The following KIAA0232 variants were observed in gnomAD, a reference collection of about 807,000 sequenced individuals.
The protein encoded by KIAA0232 is uncharacterized protein KIAA0232.
A neutral mutation model predicts 122.0 loss-of-function variants in KIAA0232; 27 were observed. The ratio of observed to expected loss-of-function variants is 0.22; its 90% CI spans 0.16 to 0.31. The LOEUF is 0.31. KIAA0232 is among the 10% of genes least tolerant of loss of function. KIAA0232 has a pLI of 1.00. For synonymous variants in KIAA0232, 613 were observed against 587.6 expected (o/e 1.04, Z -0.63); for missense variants, 1,551 against 1,634.2 (o/e 0.95, Z 0.88).
chr4:6,798,777 C>G (rs1717247310), intron 1 of KIAA0232, among the ~76,000 whole-genome samples: 1 of 152,152 alleles, frequency 6.6e-6, no homozygotes, highest in African/African-American at 2.4e-5. Flanking sequence ...GTCTCAAACC[C>G]CTGGGCTCAA....
intron 1 of KIAA0232, among the ~76,000 whole-genome samples, chr4:6,785,599 A>G (rs1289436836): frequency 6.6e-6 from 1 of 152,234 alleles, no homozygotes. Context: ...CTTTGCTTAA[A>G]GTTTTTAACT....
At chr4:6,789,800 G>A (rs1408297543) in intron 1 of KIAA0232, among the ~76,000 whole-genome samples, 2 of 152,174 alleles carry the variant, frequency 1.3e-5, no homozygotes, top group African/African-American at 4.8e-5. Flanking sequence ...AGCGAGGTGG[G>A]AGGATCACTT....
chr4:6,838,326 C>G (rs930283500), intron 3 of KIAA0232, among the ~76,000 whole-genome samples: 1 of 152,036 alleles, frequency 6.6e-6, no homozygotes, highest in African/African-American at 2.4e-5. Context: ...GTAGCTGGGA[C>G]TGCAGGTGGA....
At chr4:6,822,988 C>G (rs1346827234) in intron 2 of KIAA0232, among the ~76,000 whole-genome samples, 2 of 144,362 alleles carry the variant, frequency 1.4e-5, no homozygotes, top group Non-Finnish European at 3.0e-5. Flanking sequence ...TCCATGTGTT[C>G]TCATTGTTCA....
rs115461601 is a variant in KIAA0232 at position 6,804,101 on chromosome 4, A to C, written c.-353-422A>C. ...TTATTTGGGGAGAGTTCCATAAGAT[A>C]AACATCACAGCTAGTAGGAATTCTC... On this transcript the variant is annotated intron_variant, in intron 1 of 9. Coordinates refer to ENST00000307659, the MANE Select transcript of KIAA0232 (RefSeq NM_014743.3). Among the ~76,000 whole-genome samples the C allele has an allele frequency of 3.2e-3, 492 of 152,364 alleles. 7 individuals are homozygous for C. The highest frequency in any genetic ancestry group is 0.011 in the African/African-American group (465 of 41,592).
chr4:6,841,826 T>G (rs780960317), intron 3 of KIAA0232, among the ~76,000 whole-genome samples: 1 of 152,156 alleles, frequency 6.6e-6, no homozygotes, highest in Non-Finnish European at 1.5e-5. Context: ...ATAGAAAACA[T>G]CCCATGTTTG....
chr4:6,812,551 A>G (rs1347002601), intron 2 of KIAA0232, among the ~76,000 whole-genome samples: 2 of 152,190 alleles, frequency 1.3e-5, no homozygotes, highest in Non-Finnish European at 2.9e-5. Flanking sequence ...ACACCAAAAT[A>G]CTAACAGTGA....
Position 6,863,881 on chromosome 4 carries a change from A to G in KIAA0232, c.3499A>G (p.Lys1167Glu). 1 of 1,614,196 alleles carries G rather than the reference A, an allele frequency of 6.2e-7. No individual in the cohort carries two copies. The highest frequency in any genetic ancestry group is 8.5e-7 in the Non-Finnish European group (1 of 1,180,032). ...AGAGAAAGAAGGCCATTACTATGGA[A>G]AATCAGAGCTTGAGTCTGGAAAATT... is the stretch of plus-strand genomic sequence containing the variant. ...DAEKEGHYYG[K>E]SELESGKFLP... Residue 1167 changes from lysine to glutamate, a missense_variant, in exon 7 of 10, where the codon AAA becomes GAA. By Grantham distance (56) the Lys-to-Glu change is moderately conservative. Around this residue, in one of 5 missense-constraint regions of KIAA0232, gnomAD observed 1,108 missense variants for 1,154.8 expected, o/e 0.96. Coordinates refer to ENST00000307659, the MANE Select transcript of KIAA0232 (RefSeq NM_014743.3).
intron 1 of KIAA0232, among the ~76,000 whole-genome samples, 152 bp downstream of exon 1, chr4:6,782,993 A>G (rs1347247977): frequency 6.8e-6 from 1 of 146,814 alleles, no homozygotes; most frequent in African/African-American, 2.5e-5. Context: ...GGTCAGCCCA[A>G]GGGAGACAGG....
At chr4:6,793,028 G>A (rs1010714517) in intron 1 of KIAA0232, among the ~76,000 whole-genome samples, 3 of 151,974 alleles carry the variant, frequency 2.0e-5, no homozygotes, top group Non-Finnish European at 4.4e-5. Flanking sequence ...TTATTGTTCT[G>A]CACTGGGTCC....
Position 6,855,957 on chromosome 4 carries a change from C to A in KIAA0232, c.370-1207C>A. On this transcript the variant is annotated intron_variant, in intron 4 of 9. Transcript: ENST00000307659. The surrounding 1 kb of genome is among the most constrained non-coding windows in gnomAD (Gnocchi z 4.3). ...GTTGAACAGTGTTTATGACTAATAT[C>A]TGCCATCGTTTTTAAGAGTGTTTTT... The A allele has an allele frequency of 1.6e-6, 1 of 615,996 alleles. No individual in the cohort carries two copies. Among genetic ancestry groups the A allele is most frequent in the Non-Finnish European group, 2.0e-6 (1 of 492,528 alleles). 38.2% of individuals were successfully genotyped at this position (615,996 alleles called of 1,614,324 possible). A position where few individuals can be genotyped will look rare whatever the true frequency, so the allele number is the denominator to read the frequency against.
intron 4 of KIAA0232, among the ~76,000 whole-genome samples, chr4:6,844,235 C>T (rs535062487): frequency 2.0e-5 from 3 of 151,758 alleles, no homozygotes; most frequent in East Asian, 3.9e-4. Flanking sequence ...CCACCGCACC[C>T]GACCAAGTTA....
Position 6,863,961 on chromosome 4 carries a change from T to C in KIAA0232, c.3579T>C (p.Asp1193=). Reference sequence around the variant, plus strand: ...AAAAGAGTGCTCAGACATCACTGGATTCCCAGGAGGAATCAACTGGGATTC... The same window carrying C: ...AAAAGAGTGCTCAGACATCACTGGACTCCCAGGAGGAATCAACTGGGATTC... ...GMEKSAQTSL[D]SQEESTGILS... Residue 1193 remains aspartate, a synonymous_variant, in exon 7 of 10, where the codon GAT becomes GAC. Coordinates refer to ENST00000307659, the MANE Select transcript of KIAA0232 (RefSeq NM_014743.3). 6.2e-7 allele frequency: 1 copy of C among 1,614,012 alleles called. No homozygotes were observed. The highest frequency in any genetic ancestry group is 2.2e-5 in the East Asian group (1 of 44,880).
intron 8 of KIAA0232, among the ~76,000 whole-genome samples, chr4:6,873,571 T>C (rs1156971549): frequency 1.3e-5 from 2 of 152,192 alleles, no homozygotes; most frequent in East Asian, 3.8e-4. Flanking sequence ...AGTTCATGTT[T>C]CTTTAGTAAA....
intron 6 of KIAA0232, among the ~76,000 whole-genome samples, chr4:6,860,351 A>G (rs1210020541): frequency 1.3e-5 from 2 of 152,206 alleles, no homozygotes; most frequent in African/African-American, 4.8e-5. Flanking sequence ...CAGAGCCAGG[A>G]TTTGACCTCA....
intron 8 of KIAA0232, among the ~76,000 whole-genome samples, chr4:6,874,160 G>C (rs560281393): frequency 2.0e-5 from 3 of 152,198 alleles, no homozygotes; most frequent in African/African-American, 7.2e-5. Context: ...GCCTTGCTGC[G>C]CATTCATATG....
In KIAA0232 at chr4:6,824,408, C is replaced by A; in HGVS notation, c.-46C>A. On this transcript the variant is annotated 5_prime_UTR_variant, in exon 3 of 10. It adds an upstream start codon to the 5' untranslated region. Transcript: ENST00000307659. ...CCTCCAGATACCAACAGAATATCAA[C>A]TGCAGAAAATGCTTCACATTTTAAG... The A allele has an allele frequency of 1.4e-6, 2 of 1,455,762 alleles. No individual in the cohort carries two copies. Among genetic ancestry groups the A allele is most frequent in the Non-Finnish European group, 1.9e-6 (2 of 1,035,664 alleles). 90.2% of individuals were successfully genotyped at this position (1,455,762 alleles called of 1,614,324 possible).
chr4:6,860,185 G>A (rs1422907932), intron 6 of KIAA0232, among the ~76,000 whole-genome samples: 1 of 152,152 alleles, frequency 6.6e-6, no homozygotes, highest in Admixed American at 6.5e-5. Context: ...TAGCAGTTAC[G>A]TAAGAAGCTG....
At chr4:6,791,946 A>G (rs1463041737) in intron 1 of KIAA0232, among the ~76,000 whole-genome samples, 3 of 152,138 alleles carry the variant, frequency 2.0e-5, no homozygotes, top group African/African-American at 4.8e-5. Context: ...ATGATAGTGA[A>G]TACGTCTCAT....
Sources: allele counts gnomAD v4.1 joint callset (sites outside exome capture counted in the v4.1 genomes callset), GRCh38; gene constraint gnomAD v4.1.1; regional missense constraint gnomAD v4.1.1; non-coding constraint Gnocchi (gnomAD v3.1); transcripts MANE v1.5; gene names NCBI Gene and HGNC (gene_info 2026-07-23, HGNC 2026-07-21).